The following ABCB1 variants were observed in gnomAD, a reference collection of about 807,000 sequenced individuals.
ABCB1 encodes the protein ATP binding cassette subfamily B member 1.
A neutral mutation model predicts 142.0 loss-of-function variants in ABCB1; 69 were observed. The ratio of observed to expected loss-of-function variants is 0.49; its 90% CI spans 0.40 to 0.59. The LOEUF (loss-of-function observed/expected upper bound fraction) is 0.59. Ranked by LOEUF, ABCB1 falls within the 20% of genes least tolerant of loss-of-function variation. The probability of loss-of-function intolerance (pLI) is 0.00; values close to 1 mark genes in which losing one functional copy is unlikely to be tolerated. For synonymous variants in ABCB1, 532 were observed against 539.2 expected (o/e 0.99, Z 0.18); for missense variants, 1,326 against 1,554.7 (o/e 0.85, Z 2.47).
intron 7 of ABCB1, 27 bp from the exon 8 acceptor site, chr7:87,561,414 T>C (rs1302852796): frequency 6.3e-7 from 1 of 1,589,906 alleles, no homozygotes; most frequent in Admixed American, 1.7e-5. Context: ...TTTTGGATCA[T>C]GAAAAAAACA....
intron 6 of ABCB1, 85 bp downstream of exon 6, chr7:87,566,700 A>T (rs571500006): frequency 7.6e-7 from 1 of 1,319,190 alleles, no homozygotes; most frequent in South Asian, 1.2e-5. Flanking sequence ...ATACATTAAC[A>T]CCTCCTAACA....
chr7:87,516,695 C>T, intron 23 of ABCB1, 30 bp from the exon 24 acceptor site: 1 of 1,538,480 alleles, frequency 6.5e-7, no homozygotes, highest in Non-Finnish European at 8.9e-7. Context: ...AACATGTGCA[C>T]AGCATTACCA....
chr7:87,567,043 C>G, intron 5 of ABCB1, 67 bp from the exon 6 acceptor site: 2 of 1,452,566 alleles, frequency 1.4e-6, no homozygotes, highest in South Asian at 2.3e-5. Flanking sequence ...TCCAAAGAGA[C>G]CACTCATTCC....
In ABCB1 at chr7:87,613,257, CTTTTTTTT is replaced by C. The variant is rs67823385; in HGVS notation, c.-330-12187_-330-12180del. Reference sequence around the variant, plus strand: ...TTTCCAATTTGAATGTCCTTTATTTCTTTTTTTTTTTTTTTTTTTTTTTTGCCTGATTG... The same window carrying C: ...TTTCCAATTTGAATGTCCTTTATTTCTTTTTTTTTTTTTTTTGCCTGATTG... On this transcript the variant is annotated intron_variant, in intron 1 of 28. Transcript: ENST00000265724. 1.2e-3 allele frequency among the ~76,000 whole-genome samples: 76 copies of C among 64,214 alleles called. 1 individual carries two copies. The East Asian group carries it at 0.02, about 17-fold the overall frequency. 42.1% of individuals were successfully genotyped at this position (64,214 alleles called of 152,430 possible). A position where few individuals can be genotyped will look rare whatever the true frequency, so the allele number is the denominator to read the frequency against.
intron 1 of ABCB1, among the ~76,000 whole-genome samples, chr7:87,660,839 CTT>C (rs900124316): frequency 5.9e-5 from 9 of 151,820 alleles, no homozygotes; most frequent in African/African-American, 2.2e-4. Context: ...ATTTGGAAGT[CTT>C]TTTATGTTTC....
chr7:87,665,209 A>T (rs1365133423), intron 1 of ABCB1, among the ~76,000 whole-genome samples: 1 of 152,194 alleles, frequency 6.6e-6, no homozygotes, highest in Non-Finnish European at 1.5e-5. Flanking sequence ...CCTAAATACC[A>T]AAAAATGGTT....
intron 1 of ABCB1, among the ~76,000 whole-genome samples, chr7:87,626,936 C>G (rs1267580629): frequency 6.6e-6 from 1 of 151,924 alleles, no homozygotes; most frequent in Non-Finnish European, 1.5e-5. Flanking sequence ...CCACCACACC[C>G]GGCTAATTTT....
At chr7:87,669,469 T>C (rs1292647093) in intron 1 of ABCB1, among the ~76,000 whole-genome samples, 1 of 152,248 alleles carries the variant, frequency 6.6e-6, no homozygotes, top group African/African-American at 2.4e-5. Context: ...TTAGCCCATT[T>C]ACTTTCAAGG....
intron 1 of ABCB1, among the ~76,000 whole-genome samples, chr7:87,684,323 A>G (rs185459428): frequency 6.6e-6 from 1 of 152,298 alleles, no homozygotes; most frequent in East Asian, 1.9e-4. Flanking sequence ...GTAGATATAA[A>G]ACTTACTCTA....
rs986824736 is a variant in ABCB1, at chr7:87,679,250, G to A, written c.-331+33911C>T. On this transcript the variant is annotated intron_variant, in intron 1 of 28. Transcript: ENST00000265724. ...TGGGACTACAGGTGCCCGCCACCAC[G>A]CCCGGGTAATTTTTTTGTATTTTTA... Among the ~76,000 whole-genome samples, 48 of 148,648 alleles carry A rather than the reference G, an allele frequency of 3.2e-4. 3 individuals carry two copies. The Admixed American group carries it at 3.2e-3, about 10-fold the overall frequency.
Position 87,583,937 on chromosome 7 carries a change from C to T in ABCB1, c.286+1575G>A, listed in dbSNP as rs369435251. Among the ~76,000 whole-genome samples, 56 of 152,194 alleles carry T rather than the reference C, an allele frequency of 3.7e-4. No homozygotes were observed. In the South Asian group the frequency reaches 9.5e-3, roughly 26 times the overall value. ...CACTATGAAGCAGTAAGAGAGCTAA[C>T]GCCACAGAATATTGGCCAATATAGC... is the stretch of plus-strand genomic sequence containing the variant. On this transcript the variant is annotated intron_variant, in intron 4 of 27. Coordinates refer to ENST00000622132, the MANE Select transcript of ABCB1 (RefSeq NM_001348946.2).
Position 87,607,180 on chromosome 7 carries a change from G to GT in ABCB1, c.-330-6103dup, listed in dbSNP as rs894837925. The stretch of plus-strand genomic sequence containing the variant: ...ACTGTCTATATAAGTTGGATACATG[G>GT]TTTTTTTCTAATTACTGTTTTCATA... On this transcript the variant is annotated intron_variant, in intron 1 of 28. Transcript: ENST00000265724. 3.9e-5 allele frequency among the ~76,000 whole-genome samples: 6 copies of GT among 152,050 alleles called. No individual in the cohort carries two copies. The South Asian group carries it at 6.2e-4, about 16-fold the overall frequency.
intron 1 of ABCB1, among the ~76,000 whole-genome samples, chr7:87,690,867 A>T (rs1563136918): frequency 6.6e-6 from 1 of 152,130 alleles, no homozygotes. Flanking sequence ...AGTCTTTTCC[A>T]TATTCCATCT....
intron 25 of ABCB1, among the ~76,000 whole-genome samples, chr7:87,509,773 A>C (rs984314922): frequency 1.3e-5 from 2 of 152,184 alleles, no homozygotes; most frequent in African/African-American, 4.8e-5. Context: ...GGATCCTGTG[A>C]ATGTGTTATG....
rs2235043 is a variant in ABCB1 at position 87,536,381 on chromosome 7, G to A, written c.2481+77C>T. On this transcript the variant is annotated intron_variant, in intron 20 of 27. Coordinates refer to ENST00000622132, the MANE Select transcript of ABCB1 (RefSeq NM_001348946.2). ...TTCTTAATGATGATAACTAACACCC[G>A]TAAGGAGAAAATTAGTTTCATGCTG... The A allele has an allele frequency of 6.8e-3, 8,928 of 1,310,952 alleles. 43 individuals carry two copies. Among genetic ancestry groups the A allele is most frequent in the Non-Finnish European group, 7.9e-3 (7,125 of 904,734 alleles). The allele number at this position is 1,310,952 out of a possible 1,614,324, so 81.2% of individuals were successfully genotyped here.
chr7:87,626,023 T>TAGAG (rs201541879), intron 1 of ABCB1, among the ~76,000 whole-genome samples: 121 of 114,510 alleles, frequency 1.1e-3, no homozygotes, highest in African/African-American at 4.0e-3. Context: ...TATATATATA[T>TAGAG]AGAGAGAGAG....
intron 4 of ABCB1, among the ~76,000 whole-genome samples, chr7:87,573,854 T>A (rs973722806): frequency 2.6e-5 from 4 of 152,114 alleles, no homozygotes; most frequent in Non-Finnish European, 5.9e-5. Flanking sequence ...ATTAAAAAAA[T>A]TTATATATGT....
chr7:87,526,164 C>T (rs1815775134), intron 21 of ABCB1, among the ~76,000 whole-genome samples: 3 of 144,648 alleles, frequency 2.1e-5, no homozygotes, highest in Non-Finnish European at 1.5e-5. Flanking sequence ...CACCCACCAC[C>T]TTTTTTTTTT....
intron 5 of ABCB1, among the ~76,000 whole-genome samples, chr7:87,567,560 T>C (rs1392762106): frequency 6.6e-6 from 1 of 152,196 alleles, no homozygotes; most frequent in East Asian, 1.9e-4. Context: ...GATTATCCCT[T>C]GGGCTATTAA....
Sources: gnomAD v4.1 joint callset for allele counts (sites outside exome capture counted in the v4.1 genomes callset) on GRCh38, gnomAD v4.1.1 for gene constraint, MANE v1.5 for transcripts, NCBI Gene and HGNC (gene_info 2026-07-23, HGNC 2026-07-21) for gene names.